SLC5A8: variants seen among roughly 807,000 people sequenced by gnomAD.
The protein encoded by SLC5A8 is solute carrier family 5 member 8, also known as sodium-coupled monocarboxylate transporter 1.
Under a neutral mutation model 71.9 loss-of-function variants are expected in SLC5A8, and 55 were observed. That is an observed-to-expected ratio of 0.77 (90% CI 0.62 to 0.96). SLC5A8 has a LOEUF of 0.96. Among genes scored for constraint, SLC5A8 ranks in the 40% least tolerant of loss-of-function variants. The pLI, the probability that SLC5A8 is intolerant of heterozygous loss-of-function variation, is 0.00. For missense variants in SLC5A8, 701 were observed against 745.3 expected (o/e 0.94, Z 0.69); for synonymous variants, 307 against 276.1 (o/e 1.11, Z -1.11).
In SLC5A8 at chr12:101,193,646, C is replaced by T. The variant is rs1253721827; in HGVS notation, c.671G>A (p.Gly224Asp). The change falls in exon 5 of 15, where the codon GGT becomes GAT. Residue 224 changes from glycine (G) to aspartate (D), a missense_variant. By Grantham distance (94) the Gly-to-Asp change is moderately conservative. Coordinates refer to ENST00000536262, the MANE Select transcript of SLC5A8 (RefSeq NM_145913.5). Reference sequence around the variant, plus strand: ...TTACTTCCAGAAATTTAATCTTCCACCATCATAGGCATCATTTAAAATAGT... The same window carrying T: ...TTACTTCCAGAAATTTAATCTTCCATCATCATAGGCATCATTTAAAATAGT... ...ISTILNDAYD[G>D]GRLNFWNFNP... 14 of 1,613,588 alleles carry T rather than the reference C, an allele frequency of 8.7e-6. No homozygotes were observed. The highest frequency in any genetic ancestry group is 1.2e-5 in the Non-Finnish European group (14 of 1,179,814).
intron 10 of SLC5A8, among the ~76,000 whole-genome samples, chr12:101,169,318 C>T (rs555156201): frequency 1.0e-3 from 156 of 152,260 alleles, no homozygotes; most frequent in Non-Finnish European, 1.7e-3. Flanking sequence ...TTTGCTAGAA[C>T]ATGTCATTGT....
intron 14 of SLC5A8, among the ~76,000 whole-genome samples, chr12:101,158,037 A>G (rs1371935421): frequency 2.0e-5 from 3 of 152,206 alleles, no homozygotes; most frequent in Non-Finnish European, 4.4e-5. Flanking sequence ...GATAAGCAAT[A>G]GGTATAGCGT....
chr12:101,198,431 A>T (rs1046168251), intron 3 of SLC5A8, among the ~76,000 whole-genome samples: 25 of 152,058 alleles, frequency 1.6e-4, no homozygotes, highest in Non-Finnish European at 1.8e-4. Context: ...ACTTATCGAT[A>T]TTAGGAATAA....
intron 1 of SLC5A8, among the ~76,000 whole-genome samples, chr12:101,206,205 T>G (rs1365357867): frequency 6.6e-6 from 1 of 152,224 alleles, no homozygotes; most frequent in East Asian, 1.9e-4. Context: ...AAATTGAATC[T>G]CAATAAATTA....
chr12:101,167,005 C>T (rs1276223680), intron 11 of SLC5A8, among the ~76,000 whole-genome samples: 1 of 151,982 alleles, frequency 6.6e-6, no homozygotes, highest in Admixed American at 6.6e-5. Context: ...AAAAAAGATA[C>T]TGTTTATGGC....
chr12:101,157,344 G>A lies in SLC5A8; in HGVS notation c.1768C>T (p.Pro590Ser). ...HPVEDGGTDN[P>S]AFNHIELNSD... The stretch of plus-strand genomic sequence containing the variant: ...TTCAATTCAATGTGGTTGAAAGCAG[G>A]ATTATCAGTTCCACCATCTTCCACT... Residue 590 changes from proline (P) to serine (S), a missense_variant, in exon 15 of 15, where the codon CCT becomes TCT. Coordinates refer to ENST00000536262, the MANE Select transcript of SLC5A8 (RefSeq NM_145913.5). 1 of 1,612,980 alleles carries A rather than the reference G, an allele frequency of 6.2e-7. No homozygotes were observed. Among genetic ancestry groups the A allele is most frequent in the African/African-American group, 1.3e-5 (1 of 74,920 alleles).
At chr12:101,157,474 G>T (rs545023995) in intron 14 of SLC5A8, 73 bp from the exon 15 acceptor site, 3 of 1,479,912 alleles carry the variant, frequency 2.0e-6, no homozygotes, top group Non-Finnish European at 2.7e-6. Flanking sequence ...CTAAATAATT[G>T]TTTCTACTAT....
intron 3 of SLC5A8, 21 bp downstream of exon 3, chr12:101,202,143 A>G (rs1312495843): frequency 6.2e-7 from 1 of 1,610,168 alleles, no homozygotes; most frequent in Non-Finnish European, 8.5e-7. Context: ...GAGTTACCTA[A>G]CTGGCAACTC....
At chr12:101,202,850 T>C (rs1317393602) in intron 2 of SLC5A8, among the ~76,000 whole-genome samples, 1 of 152,148 alleles carries the variant, frequency 6.6e-6, no homozygotes, top group African/African-American at 2.4e-5. Flanking sequence ...GTAATTTTGA[T>C]TGCACTTGAT....
intron 12 of SLC5A8, among the ~76,000 whole-genome samples, chr12:101,166,119 T>C (rs979354571): frequency 4.6e-5 from 7 of 152,226 alleles, no homozygotes; most frequent in African/African-American, 1.4e-4. Context: ...GTCAGTAAAA[T>C]CTATCTTTCT....
intron 10 of SLC5A8, among the ~76,000 whole-genome samples, chr12:101,169,760 T>C (rs1379476860): frequency 6.6e-6 from 1 of 152,202 alleles, no homozygotes; most frequent in African/African-American, 2.4e-5. Context: ...CAAGCTAAAG[T>C]TGTTAATGTC....
At position 101,184,224 on chromosome 12, in the gene SLC5A8, T is replaced by A. The variant is rs1270880728; in HGVS notation, c.964-2A>T. 3.1e-6 allele frequency: 5 copies of A among 1,612,260 alleles called. No individual in the cohort carries two copies. In the South Asian group the frequency reaches 5.5e-5, roughly 18 times the overall value. On this transcript the variant is annotated splice_acceptor_variant, in intron 7 of 14. Coordinates refer to ENST00000536262, the MANE Select transcript of SLC5A8 (RefSeq NM_145913.5). LOFTEE classifies it high-confidence loss of function. The stretch of plus-strand genomic sequence containing the variant: ...GTCCAGTACCAAATAAGGCATGAGC[T>A]GAAAAATTCCAAAATTTATTTCCAA...
intron 3 of SLC5A8, among the ~76,000 whole-genome samples, chr12:101,198,830 A>G (rs182289877): frequency 5.5e-4 from 83 of 152,124 alleles, no homozygotes; most frequent in Non-Finnish European, 9.1e-4. Context: ...TATAAAAAGG[A>G]TAATACATTA....
chr12:101,165,411 C>A (rs1236625187), intron 12 of SLC5A8, among the ~76,000 whole-genome samples: 1 of 152,128 alleles, frequency 6.6e-6, no homozygotes, highest in Non-Finnish European at 1.5e-5. Context: ...TTAATCTTTT[C>A]TCCCTTTCTG....
chr12:101,196,431 A>T (rs1303596886), intron 3 of SLC5A8, among the ~76,000 whole-genome samples: 1 of 152,216 alleles, frequency 6.6e-6, no homozygotes, highest in African/African-American at 2.4e-5. Flanking sequence ...AATTACTCCT[A>T]GGAGAGGGAG....
At chr12:101,175,173 T>G (rs2051867965) in intron 10 of SLC5A8, among the ~76,000 whole-genome samples, 1 of 151,704 alleles carries the variant, frequency 6.6e-6, no homozygotes, top group African/African-American at 2.4e-5. Flanking sequence ...AATAAAAAAT[T>G]TTAAATGAAT....
At chr12:101,185,647 C>T (rs1331759262) in intron 7 of SLC5A8, among the ~76,000 whole-genome samples, 2 of 152,218 alleles carry the variant, frequency 1.3e-5, no homozygotes, top group Admixed American at 6.5e-5. Flanking sequence ...GGCTCGATCT[C>T]GGCTCACTGC....
At chr12:101,160,798 G>A (rs1250339043) in intron 13 of SLC5A8, among the ~76,000 whole-genome samples, 1 of 151,946 alleles carries the variant, frequency 6.6e-6, no homozygotes, top group Admixed American at 6.6e-5. Flanking sequence ...GACACGGAGA[G>A]GAAAAATAAG....
In SLC5A8 at chr12:101,166,599, T is replaced by G. The variant is rs1316343242; in HGVS notation, c.1421A>C (p.His474Pro). The change falls in exon 12 of 15, where the codon CAC (histidine) becomes CCC (proline). Residue 474 changes from histidine to proline, a missense_variant. Coordinates refer to ENST00000536262, the MANE Select transcript of SLC5A8 (RefSeq NM_145913.5). ...GCTGTTACAGCCTTGGATATCAAGGTGCAATGGCAATGTTCTCTCAGGAAG... is the reference window on the plus strand; with the variant it reads ...GCTGTTACAGCCTTGGATATCAAGGGGCAATGGCAATGTTCTCTCAGGAAG... ...PPLPERTLPLHLDIQGCNSTY... is the reference protein window; with the variant it reads ...PPLPERTLPLPLDIQGCNSTY... 6.2e-7 allele frequency: 1 copy of G among 1,614,012 alleles called. No homozygotes were observed. Among genetic ancestry groups the G allele is most frequent in the Non-Finnish European group, 8.5e-7 (1 of 1,179,954 alleles).
Sources: gnomAD v4.1 joint callset for allele counts (sites outside exome capture counted in the v4.1 genomes callset) on GRCh38, gnomAD v4.1.1 for gene constraint, MANE v1.5 for transcripts, NCBI Gene and HGNC (gene_info 2026-07-23, HGNC 2026-07-21) for gene names.